TRPC6: variants seen among roughly 807,000 people sequenced by gnomAD.
TRPC6 encodes short transient receptor potential channel 6.
TRPC6 carries 55 observed loss-of-function variants against 90.7 expected under a neutral mutation model. The ratio of observed to expected loss-of-function variants is 0.61; its 90% confidence interval spans 0.49 to 0.76. The LOEUF is 0.76. TRPC6 is among the 30% of genes least tolerant of loss of function. The pLI is 0.00. For synonymous variants in TRPC6, 393 were observed against 393.0 expected (o/e 1.00, Z 0.00); for missense variants, 989 against 1,122.7 (o/e 0.88, Z 1.70).
chr11:101,491,555 CTTTT>C lies in TRPC6; in HGVS notation c.1125_1128del (p.Lys375AsnfsTer3), dbSNP rs757446904. 7 of 1,613,198 alleles carry C rather than the reference CTTTT, an allele frequency of 4.3e-6. No individual in the cohort carries two copies. Among genetic ancestry groups the C allele is most frequent in the Non-Finnish European group, 5.9e-6 (7 of 1,179,560 alleles). ...TAAACGGGCTTCACGCCTGACCTTA[CTTTT>C]TTTACTTCATATTTAATGGCAAGTT... On this transcript the variant is annotated frameshift_variant and splice_region_variant, in exon 3 of 13. Transcript: ENST00000344327. LOFTEE classifies it high-confidence loss of function.
rs139620554 is a variant in TRPC6 at position 101,499,393 on chromosome 11, T to C, written c.945+4631A>G. On this transcript the variant is annotated intron_variant, in intron 2 of 12. Transcript: ENST00000344327. ...ATGTGATTTCTTTCTGATTTAGAAT[T>C]TTAATCTAGTAAGATAGTTATCAAA... 3.8e-3 allele frequency among the ~76,000 whole-genome samples: 573 copies of C among 151,940 alleles called. 5 individuals are homozygous for C. The highest frequency in any genetic ancestry group is 0.013 in the African/African-American group (551 of 41,456).
chr11:101,501,580 T>C (rs751319491), intron 2 of TRPC6, among the ~76,000 whole-genome samples: 1 of 152,034 alleles, frequency 6.6e-6, no homozygotes, highest in African/African-American at 2.4e-5. Flanking sequence ...GGTGGGGGAA[T>C]GTTATTTCCC....
chr11:101,507,547 C>T (rs1860303593), intron 1 of TRPC6, among the ~76,000 whole-genome samples: 1 of 152,056 alleles, frequency 6.6e-6, no homozygotes, highest in African/African-American at 2.4e-5. Flanking sequence ...TCTAATAAAG[C>T]ATGCATAGGT....
intron 1 of TRPC6, among the ~76,000 whole-genome samples, chr11:101,533,890 G>C (rs967240076): frequency 1.3e-5 from 2 of 152,122 alleles, no homozygotes; most frequent in African/African-American, 4.8e-5. Context: ...AGGCAACTGA[G>C]GGCTCCATAA....
chr11:101,503,892 C>A, intron 2 of TRPC6, 132 bp downstream of exon 2: 2 of 1,115,832 alleles, frequency 1.8e-6, no homozygotes, highest in Non-Finnish European at 2.7e-6. Flanking sequence ...TAATAAAGAG[C>A]TTGTTGAATA....
At chr11:101,480,261 A>T (rs1380632960) in intron 5 of TRPC6, among the ~76,000 whole-genome samples, 1 of 152,190 alleles carries the variant, frequency 6.6e-6, no homozygotes, top group East Asian at 1.9e-4. Flanking sequence ...TGAACATGTT[A>T]TATAAAATAT....
chr11:101,571,822 GA>G (rs1277433850), intron 1 of TRPC6, among the ~76,000 whole-genome samples: 1 of 152,186 alleles, frequency 6.6e-6, no homozygotes, highest in African/African-American at 2.4e-5. Context: ...GCCATATGCA[GA>G]AAACTGAAAC....
intron 10 of TRPC6, among the ~76,000 whole-genome samples, chr11:101,460,532 T>C (rs969355374): frequency 2.6e-5 from 4 of 152,210 alleles, no homozygotes; most frequent in African/African-American, 9.7e-5. Context: ...GCAGAACATA[T>C]GGACATGGAG....
Position 101,504,726 on chromosome 11 carries a change from A to G in TRPC6, c.243T>C (p.Asn81=), listed in dbSNP as rs1565221734. 1.3e-6 allele frequency: 2 copies of G among 1,596,806 alleles called. No individual in the cohort carries two copies. The highest frequency in any genetic ancestry group is 2.7e-5 in the African/African-American group (2 of 74,524). The change falls in exon 2 of 13, where the codon AAT becomes AAC. Residue 81 remains asparagine (N), a synonymous_variant. Coordinates refer to ENST00000344327, the MANE Select transcript of TRPC6 (RefSeq NM_004621.6). ...CACTAAACATGTATGCTGGTCCTCGATTAGCTAACCTTCTCCCCTTCTCAC... is the reference window on the plus strand; with the variant it reads ...CACTAAACATGTATGCTGGTCCTCGGTTAGCTAACCTTCTCCCCTTCTCAC... ...VLREKGRRLA[N]RGPAYMFSDR...
At chr11:101,522,905 C>A (rs968989297) in intron 1 of TRPC6, among the ~76,000 whole-genome samples, 15 of 152,046 alleles carry the variant, frequency 9.9e-5, no homozygotes, top group Non-Finnish European at 2.1e-4. Context: ...TCAGACTAAG[C>A]AGAAACAAAA....
chr11:101,483,057 T>G lies in TRPC6; in HGVS notation c.1402A>C (p.Thr468Pro), dbSNP rs200918314. The G allele has an allele frequency of 1.2e-6, 2 of 1,614,102 alleles. No individual in the cohort carries two copies. ...VMNAADRFEG[T>P]KLLPNETSTD... ...CTGGTTTCATTAGGAAGGAGTTTTG[T>G]GCCTTCAAATCTGTCAGCTGCATTC... Residue 468 changes from threonine to proline, a missense_variant, in exon 5 of 13, where the codon ACA becomes CCA. Around this residue, in one of 4 missense-constraint regions of TRPC6, gnomAD observed 486 missense variants for 591.9 expected, o/e 0.82. Transcript: ENST00000344327.
chr11:101,558,492 CACACATAT>C (rs1565243710), intron 1 of TRPC6, among the ~76,000 whole-genome samples: 23 of 140,412 alleles, frequency 1.6e-4, no homozygotes, highest in Middle Eastern at 3.6e-3. Context: ...CACACACACA[CACACATAT>C]ACTAATCAGT....
chr11:101,579,316 T>C (rs965809041), intron 1 of TRPC6, among the ~76,000 whole-genome samples: 1 of 152,242 alleles, frequency 6.6e-6, no homozygotes, highest in African/African-American at 2.4e-5. Flanking sequence ...TATTCTTTTA[T>C]ATTGTCAACA....
chr11:101,504,941 G>T, intron 1 of TRPC6, 143 bp from the exon 2 acceptor site: 2 of 1,032,084 alleles, frequency 1.9e-6, no homozygotes, highest in East Asian at 2.7e-5. Context: ...ATAAAATGAA[G>T]ATGCATTTAT....
At chr11:101,514,104 T>C (rs1473540607) in intron 1 of TRPC6, among the ~76,000 whole-genome samples, 3 of 152,192 alleles carry the variant, frequency 2.0e-5, no homozygotes, top group Admixed American at 6.5e-5. Context: ...TGATGTGATA[T>C]GATTTCAGAC....
At chr11:101,543,568 T>A (rs1430636017) in intron 1 of TRPC6, among the ~76,000 whole-genome samples, 1 of 151,884 alleles carries the variant, frequency 6.6e-6, no homozygotes, top group Non-Finnish European at 1.5e-5. Flanking sequence ...GAAATCAGAT[T>A]AGAAATAACC....
At chr11:101,473,828 G>T in intron 6 of TRPC6, 55 bp from the exon 7 acceptor site, 1 of 1,608,982 alleles carries the variant, frequency 6.2e-7, no homozygotes, top group South Asian at 1.1e-5. Flanking sequence ...TTTTTATTTA[G>T]GTAACTTCTT....
chr11:101,503,898 G>A, intron 2 of TRPC6, 126 bp downstream of exon 2: 2 of 1,205,204 alleles, frequency 1.7e-6, no homozygotes, highest in East Asian at 2.4e-5. Context: ...AGAGCTTGTT[G>A]AATAAACTTA....
chr11:101,576,802 GA>G (rs1205852509), intron 1 of TRPC6, among the ~76,000 whole-genome samples: 4 of 151,978 alleles, frequency 2.6e-5, no homozygotes, highest in South Asian at 2.1e-4. Context: ...ACTGTCTAGA[GA>G]AAAAAAATTA....
Sources: gnomAD v4.1 joint callset for allele counts (sites outside exome capture counted in the v4.1 genomes callset) on GRCh38, gnomAD v4.1.1 for gene constraint, gnomAD v4.1.1 regional missense constraint, MANE v1.5 for transcripts, NCBI Gene and HGNC (gene_info 2026-07-23, HGNC 2026-07-21) for gene names.